Variants in AJAP1 observed in about 807,000 individuals in gnomAD.
The protein encoded by AJAP1 is adherens junctions associated protein 1.
Under a neutral mutation model 35.0 loss-of-function variants are expected in AJAP1, and 5 were observed. The ratio of observed to expected loss-of-function variants is 0.14; its 90% confidence interval spans 0.07 to 0.30. AJAP1 has a LOEUF of 0.30. Ranked by LOEUF, AJAP1 falls within the 10% of genes least tolerant of loss-of-function variation. AJAP1 has a pLI of 1.00. For synonymous variants in AJAP1, 284 were observed against 249.3 expected, an observed-to-expected ratio of 1.14 and a Z score of -1.31; for missense variants, 586 against 571.0, an observed-to-expected ratio of 1.03 and a Z score of -0.27.
intron 1 of AJAP1, among the ~76,000 whole-genome samples, chr1:4,679,808 GGTGTGTGTGTGTGTGTGT>G (rs60846836): frequency 3.2e-4 from 46 of 142,322 alleles, no homozygotes; most frequent in African/African-American, 1.1e-3. Context: ...GAACCAATAG[GGTGTGTGTGTGTGTGTGT>G]GTGTGTGTGT....
intron 1 of AJAP1, among the ~76,000 whole-genome samples, chr1:4,679,845 GTGTGTGT>G (rs1365430139): frequency 3.0e-5 from 4 of 134,112 alleles, no homozygotes; most frequent in African/African-American, 5.4e-5. Context: ...GTGTGTGTGT[GTGTGTGT>G]AGAGAGAGAT....
At chr1:4,727,936 G>A (rs1387737045) in intron 2 of AJAP1, among the ~76,000 whole-genome samples, 1 of 152,220 alleles carries the variant, frequency 6.6e-6, no homozygotes, top group East Asian at 1.9e-4. Context: ...GCAGGTGATT[G>A]CAGATGACAG....
intron 1 of AJAP1, among the ~76,000 whole-genome samples, chr1:4,670,748 G>A (rs1639232413): frequency 6.6e-6 from 1 of 152,216 alleles, no homozygotes; most frequent in African/African-American, 2.4e-5. Flanking sequence ...TGGACAGCCT[G>A]TTCAGGAAAA....
intron 2 of AJAP1, among the ~76,000 whole-genome samples, chr1:4,721,282 G>T (rs905502364): frequency 6.6e-6 from 1 of 152,164 alleles, no homozygotes; most frequent in East Asian, 1.9e-4. Flanking sequence ...GCTCTTTGGG[G>T]CTTGGGGACC....
intron 2 of AJAP1, among the ~76,000 whole-genome samples, chr1:4,725,075 C>G (rs1302417165): frequency 6.6e-6 from 1 of 152,216 alleles, no homozygotes. Context: ...CCTGCCAGCC[C>G]TCAGGGTCCA....
rs1639794210 is a variant in AJAP1, at chr1:4,693,686, C to T, written c.30-18214C>T. Among the ~76,000 whole-genome samples, 1 of 152,184 alleles carries T rather than the reference C, an allele frequency of 6.6e-6. No individual in the cohort carries two copies. The highest frequency in any genetic ancestry group is 1.5e-5 in the Non-Finnish European group (1 of 68,034). ...TTATAAAAAGCAGAGATTTATTTCT[C>T]ACAGTTCTGGAGGCTGGGGCACCCA... On this transcript the variant is annotated intron_variant, in intron 1 of 5. Coordinates refer to ENST00000378191, the MANE Select transcript of AJAP1 (RefSeq NM_018836.4). This position sits in a 1 kb window ranked among gnomAD's most constrained non-coding sequence, Gnocchi z 4.4.
intron 3 of AJAP1, 123 bp downstream of exon 3, chr1:4,770,063 T>C: frequency 3.5e-6 from 3 of 859,492 alleles, no homozygotes; most frequent in Non-Finnish European, 5.7e-6. Context: ...CCCTGGGCAG[T>C]TCAGCTGCCA....
In AJAP1 at chr1:4,655,598, G is replaced by C. The variant is rs895795184; in HGVS notation, c.29+144G>C. The C allele has an allele frequency of 1.9e-5, 20 of 1,042,124 alleles. No homozygotes were observed. Among genetic ancestry groups the C allele is most frequent in the African/African-American group, 6.8e-5 (4 of 58,580 alleles). The allele number at this position is 1,042,124 out of a possible 1,614,324, so 64.6% of individuals were successfully genotyped here. On this transcript the variant is annotated intron_variant, in intron 1 of 5. Coordinates refer to ENST00000378191, the MANE Select transcript of AJAP1 (RefSeq NM_018836.4). This position sits in a 1 kb window ranked among gnomAD's most constrained non-coding sequence, Gnocchi z 6.9. Reference sequence around the variant, plus strand: ...AACGGGGTGCACCGGTAGCCGGAAAGGGGCGCCCGCCCGGAGCCTGGAGCA... The same window carrying C: ...AACGGGGTGCACCGGTAGCCGGAAACGGGCGCCCGCCCGGAGCCTGGAGCA...
Position 4,692,939 on chromosome 1 carries a change from A to T in AJAP1, c.30-18961A>T, listed in dbSNP as rs975081413. ...TGCCCCATTCTGGAACCCAGTGCTC[A>T]TTGCAGCTGCTTTATTAGGTGGCTA... On this transcript the variant is annotated intron_variant, in intron 1 of 5. Transcript: ENST00000378191. This position sits in a 1 kb window ranked among gnomAD's most constrained non-coding sequence, Gnocchi z 4.4. 1.3e-5 allele frequency among the ~76,000 whole-genome samples: 2 copies of T among 152,232 alleles called. No individual in the cohort carries two copies. The highest frequency in any genetic ancestry group is 4.8e-5 in the African/African-American group (2 of 41,450).
intron 2 of AJAP1, among the ~76,000 whole-genome samples, chr1:4,751,364 G>T (rs938221431): frequency 2.0e-5 from 3 of 152,196 alleles, no homozygotes; most frequent in Admixed American, 6.5e-5. Flanking sequence ...ATTAGCTGAT[G>T]CTTCCTGACT....
intron 1 of AJAP1, among the ~76,000 whole-genome samples, chr1:4,688,806 A>G (rs1639667629): frequency 6.7e-6 from 1 of 148,660 alleles, no homozygotes; most frequent in Non-Finnish European, 1.5e-5. Flanking sequence ...AAGGATCGTG[A>G]TGCCCTTCTT....
rs1640500858 is a variant in AJAP1 at position 4,720,843 on chromosome 1, G to T, written c.829+8144G>T. Among the ~76,000 whole-genome samples, 1 of 152,188 alleles carries T rather than the reference G, an allele frequency of 6.6e-6. No homozygotes were observed. Among genetic ancestry groups the T allele is most frequent in the African/African-American group, 2.4e-5 (1 of 41,448 alleles). ...CTCGGTGCTATTCTGTCCATATCAT[G>T]ATCTTTCCCTGCCCTGGAAGGCCTC... On this transcript the variant is annotated intron_variant, in intron 2 of 5. Transcript: ENST00000378191. This position sits in a 1 kb window ranked among gnomAD's most constrained non-coding sequence, Gnocchi z 4.4.
At chr1:4,670,141 A>G (rs1437032563) in intron 1 of AJAP1, among the ~76,000 whole-genome samples, 2 of 152,160 alleles carry the variant, frequency 1.3e-5, no homozygotes, top group Admixed American at 6.5e-5. Flanking sequence ...AACAGAGCCA[A>G]TGCAGGCTCC....
chr1:4,713,167 C>T (rs1640306627), intron 2 of AJAP1, among the ~76,000 whole-genome samples: 1 of 152,188 alleles, frequency 6.6e-6, no homozygotes, highest in African/African-American at 2.4e-5. Flanking sequence ...TGGACGGGGG[C>T]ATGGACGGGG....
At chr1:4,781,727 C>A (rs1642067207) in intron 5 of AJAP1, among the ~76,000 whole-genome samples, 1 of 152,244 alleles carries the variant, frequency 6.6e-6, no homozygotes, top group Admixed American at 6.5e-5. Flanking sequence ...CAGCTTTGGG[C>A]AGAAGGTCCC....
intron 1 of AJAP1, among the ~76,000 whole-genome samples, chr1:4,679,844 T>TA (rs1369892587): frequency 3.0e-5 from 4 of 131,964 alleles, no homozygotes; most frequent in African/African-American, 5.4e-5. Context: ...TGTGTGTGTG[T>TA]GTGTGTGTAG....
intron 1 of AJAP1, among the ~76,000 whole-genome samples, chr1:4,702,125 C>T (rs1440698379): frequency 1.3e-5 from 2 of 151,964 alleles, no homozygotes; most frequent in South Asian, 2.1e-4. Flanking sequence ...AGTATTCCAA[C>T]GTGTCCCCAG....
At chr1:4,770,849 T>C (rs2100360358) in intron 3 of AJAP1, among the ~76,000 whole-genome samples, 1 of 152,144 alleles carries the variant, frequency 6.6e-6, no homozygotes, top group East Asian at 1.9e-4. Context: ...ACAACAGACC[T>C]CCCACTCGGC....
At chr1:4,704,873 A>G (rs935935411) in intron 1 of AJAP1, among the ~76,000 whole-genome samples, 1 of 152,104 alleles carries the variant, frequency 6.6e-6, no homozygotes, top group African/African-American at 2.4e-5. Flanking sequence ...ATGGTATCTC[A>G]TTGTGGTTTT....
Sources: gnomAD v4.1 joint callset for allele counts (sites outside exome capture counted in the v4.1 genomes callset) on GRCh38, gnomAD v4.1.1 for gene constraint, Gnocchi (gnomAD v3.1) non-coding constraint, MANE v1.5 for transcripts, NCBI Gene and HGNC (gene_info 2026-07-23, HGNC 2026-07-21) for gene names.